The following SLC36A4 variants were observed in gnomAD, a reference collection of about 807,000 sequenced individuals.
SLC36A4 encodes neutral amino acid uniporter 4.
Under a neutral mutation model 50.5 loss-of-function variants are expected in SLC36A4, and 49 were observed. The ratio of observed to expected loss-of-function variants is 0.97; its 90% CI spans 0.77 to 1.23. SLC36A4 has a LOEUF of 1.23. Ranked by LOEUF, SLC36A4 falls within the 50% of genes most tolerant of loss-of-function variation. The pLI is 0.00. For missense variants in SLC36A4, 611 were observed against 608.4 expected, an observed-to-expected ratio of 1.00 and a Z score of -0.05; for synonymous variants, 207 against 206.5, an observed-to-expected ratio of 1.00 and a Z score of -0.02.
At position 93,180,837 on chromosome 11, in the gene SLC36A4, C is replaced by A. The variant is rs200497335; in HGVS notation, c.500G>T (p.Cys167Phe). 3.1e-5 allele frequency: 50 copies of A among 1,612,904 alleles called. No homozygotes were observed. The East Asian group carries it at 1.1e-3, about 35-fold the overall frequency. The change falls in exon 6 of 11, where the codon TGT becomes TTT. Residue 167 changes from cysteine to phenylalanine, a missense_variant. Coordinates refer to ENST00000326402, the MANE Select transcript of SLC36A4 (RefSeq NM_152313.4). ...FFLVITQLGF[C>F]SVYIVFLAEN... ...AGCTAAGAAGACAATATAAACACTA[C>A]AGAATCCCAGCTGTGTTATCACCAG...
At chr11:93,186,818 A>G (rs1862002914) in intron 1 of SLC36A4, among the ~76,000 whole-genome samples, 1 of 152,182 alleles carries the variant, frequency 6.6e-6, no homozygotes, top group Non-Finnish European at 1.5e-5. Context: ...ACATCTTCTT[A>G]AAAGGTATGC....
chr11:93,160,838 ATTGTT>A, intron 9 of SLC36A4: 4 of 779,208 alleles, frequency 5.1e-6, no homozygotes, highest in Non-Finnish European at 4.7e-6. Flanking sequence ...TCAAAATATT[ATTGTT>A]ATTATTAATA....
At chr11:93,177,143 T>C (rs1226627967) in intron 6 of SLC36A4, among the ~76,000 whole-genome samples, 1 of 152,202 alleles carries the variant, frequency 6.6e-6, no homozygotes, top group African/African-American at 2.4e-5. Context: ...TTGGAGGCTT[T>C]GTTCGTTTCT....
chr11:93,157,330 C>T (rs1013638225), intron 9 of SLC36A4, among the ~76,000 whole-genome samples: 6 of 152,150 alleles, frequency 3.9e-5, no homozygotes, highest in Admixed American at 6.5e-5. Flanking sequence ...CCTTCAGGCT[C>T]ATTTCTGGTT....
intron 6 of SLC36A4, among the ~76,000 whole-genome samples, chr11:93,178,997 CAAGCTA>C (rs1419679309): frequency 2.0e-5 from 3 of 152,070 alleles, no homozygotes; most frequent in Non-Finnish European, 4.4e-5. Flanking sequence ...AGTGAGAAAC[CAAGCTA>C]AAACAATCAT....
intron 6 of SLC36A4, among the ~76,000 whole-genome samples, chr11:93,170,460 C>A (rs1246672999): frequency 2.0e-5 from 3 of 151,996 alleles, no homozygotes; most frequent in African/African-American, 7.2e-5. Flanking sequence ...CTGAGCCTCA[C>A]AATAAGTTTA....
intron 1 of SLC36A4, among the ~76,000 whole-genome samples, chr11:93,190,591 G>T (rs1436103680): frequency 6.6e-6 from 1 of 151,964 alleles, no homozygotes; most frequent in African/African-American, 2.4e-5. Flanking sequence ...TTAATTTTTC[G>T]AAGTTTAAAT....
At chr11:93,153,815 A>G (rs1221055450) in intron 10 of SLC36A4, 1 of 167,632 alleles carries the variant, frequency 6.0e-6, no homozygotes, top group Non-Finnish European at 1.3e-5. Flanking sequence ...TGTGTATCAG[A>G]AATGGAAGGG....
chr11:93,163,447 T>G (rs1188791416), intron 8 of SLC36A4, among the ~76,000 whole-genome samples: 7 of 152,174 alleles, frequency 4.6e-5, no homozygotes, highest in Non-Finnish European at 8.8e-5. Context: ...GAGTACTGGT[T>G]TGGTATTTTA....
At chr11:93,174,042 T>A (rs1456147333) in intron 6 of SLC36A4, among the ~76,000 whole-genome samples, 11 of 150,850 alleles carry the variant, frequency 7.3e-5, no homozygotes, top group Non-Finnish European at 7.4e-5. Flanking sequence ...TTGGGCAGTA[T>A]AGCCATTTTC....
At chr11:93,190,627 T>G (rs970528468) in intron 1 of SLC36A4, among the ~76,000 whole-genome samples, 1 of 152,218 alleles carries the variant, frequency 6.6e-6, no homozygotes, top group Non-Finnish European at 1.5e-5. Flanking sequence ...TACTTCTTAA[T>G]AGTGTTAGGA....
Position 93,184,410 on chromosome 11 carries a change from A to G in SLC36A4, c.270+20T>C. On this transcript the variant is annotated intron_variant, in intron 3 of 10. Transcript: ENST00000326402. Reference sequence around the variant, plus strand: ...ACTGAGAACTGCATCTTAACTGGTGATTACAAAGATAAGTCTTACCACTAT... The same window carrying G: ...ACTGAGAACTGCATCTTAACTGGTGGTTACAAAGATAAGTCTTACCACTAT... 3 of 1,472,852 alleles carry G rather than the reference A, an allele frequency of 2.0e-6. No homozygotes were observed. Among genetic ancestry groups the G allele is most frequent in the Non-Finnish European group, 2.8e-6 (3 of 1,052,676 alleles). The allele number at this position is 1,472,852 out of a possible 1,614,324, so 91.2% of individuals were successfully genotyped here.
rs559357716 is a variant in SLC36A4 at position 93,185,550 on chromosome 11, T to TA, written c.179+140dup. ...GATTTAAACGCATTTCTTTCCCAAA[T>TA]AGACTATAAACTCATTGAAGGTGGA... On this transcript the variant is annotated intron_variant, in intron 2 of 10. Coordinates refer to ENST00000326402, the MANE Select transcript of SLC36A4 (RefSeq NM_152313.4). 1.3e-4 allele frequency: 93 copies of TA among 706,436 alleles called. No homozygotes were observed. The African/African-American group carries it at 1.6e-3, about 12-fold the overall frequency. The allele number at this position is 706,436 out of a possible 1,614,324, so 43.8% of individuals were successfully genotyped here. A position where few individuals can be genotyped will look rare whatever the true frequency, so the allele number is the denominator to read the frequency against.
intron 9 of SLC36A4, chr11:93,154,492 T>C (rs1389433304): frequency 3.8e-6 from 1 of 262,228 alleles, no homozygotes; most frequent in African/African-American, 2.2e-5. Flanking sequence ...CTGGAAAGCT[T>C]GAACATGCAT....
At chr11:93,171,355 T>A (rs1861124492) in intron 6 of SLC36A4, 1 of 152,090 alleles carries the variant, frequency 6.6e-6, no homozygotes, top group Non-Finnish European at 1.5e-5. Flanking sequence ...CTACTCTTTA[T>A]GTCATACAAA....
intron 2 of SLC36A4, chr11:93,185,144 G>A (rs1328002606): frequency 2.6e-5 from 4 of 152,118 alleles, no homozygotes; most frequent in African/African-American, 9.7e-5. Context: ...TCATCAGGAA[G>A]AAATAAGTTG....
intron 8 of SLC36A4, among the ~76,000 whole-genome samples, chr11:93,163,824 AT>A (rs986661814): frequency 1.0e-4 from 15 of 149,608 alleles, no homozygotes; most frequent in South Asian, 2.1e-4. Flanking sequence ...GACCCTATGT[AT>A]TTTTTTTTAA....
Position 93,147,695 on chromosome 11 carries a change from A to G in SLC36A4, c.*842T>C, listed in dbSNP as rs1290063965. 2.0e-5 allele frequency: 3 copies of G among 152,126 alleles called. No individual in the cohort carries two copies. The highest frequency in any genetic ancestry group is 1.9e-4 in the East Asian group (1 of 5,176). The allele number at this position is 152,126 out of a possible 1,614,324, so 9.4% of individuals were successfully genotyped here. ...ATTCAACACTAAAATTAAGCTGAAC[A>G]TAATTTATTCTTTTTCTTGGACATG... On this transcript the variant is annotated 3_prime_UTR_variant, in exon 11 of 11. Transcript: ENST00000326402.
rs760503830 is a variant in SLC36A4, at chr11:93,197,812, C to T, written c.21G>A (p.Pro7=). The T allele has an allele frequency of 1.3e-5, 20 of 1,581,154 alleles. No homozygotes were observed. In the East Asian group the frequency reaches 4.7e-4, roughly 37 times the overall value. MEAAAT[P]AAAGAARREE... is the part of the protein sequence containing the mutation. ...CGCGCCTCGCCGCCCCGGCAGCCGC[C>T]GGCGTCGCCGCCGCTTCCATCTCTC... Residue 7 remains proline, a synonymous_variant, in exon 1 of 11, where the codon CCG becomes CCA. Coordinates refer to ENST00000326402, the MANE Select transcript of SLC36A4 (RefSeq NM_152313.4).
Sources: allele counts gnomAD v4.1 joint callset (sites outside exome capture counted in the v4.1 genomes callset), GRCh38; gene constraint gnomAD v4.1.1; transcripts MANE v1.5; gene names NCBI Gene and HGNC (gene_info 2026-07-23, HGNC 2026-07-21).